The following TXNDC12 variants were observed in gnomAD, a reference collection of about 807,000 sequenced individuals.
The protein encoded by TXNDC12 is thioredoxin domain-containing protein 12.
In TXNDC12, 22 loss-of-function variants were observed where a neutral mutation model predicts 24.2. The ratio of observed to expected loss-of-function variants is 0.91; its 90% confidence interval spans 0.65 to 1.30. The LOEUF is 1.30. TXNDC12 is among the 50% of genes most tolerant of loss of function. The pLI is 0.00. For missense variants in TXNDC12, 184 were observed against 205.8 expected, an observed-to-expected ratio of 0.89 and a Z score of 0.65; for synonymous variants, 58 against 73.4, an observed-to-expected ratio of 0.79 and a Z score of 1.07.
intron 5 of TXNDC12, 23 bp from the exon 6 acceptor site, chr1:52,023,597 G>C (rs1571997005): frequency 6.9e-7 from 1 of 1,458,316 alleles, no homozygotes; most frequent in Non-Finnish European, 9.5e-7. Flanking sequence ...AAATGACACA[G>C]AGTTTTGCAG....
At chr1:52,045,973 G>A (rs1411427826) in intron 1 of TXNDC12, among the ~76,000 whole-genome samples, 1 of 152,148 alleles carries the variant, frequency 6.6e-6, no homozygotes, top group Non-Finnish European at 1.5e-5. Context: ...AGCACTCTGG[G>A]AGGCCGAGGT....
intron 3 of TXNDC12, 62 bp downstream of exon 3, chr1:52,028,516 T>G (rs1685706588): frequency 7.3e-7 from 1 of 1,368,856 alleles, no homozygotes; most frequent in South Asian, 1.2e-5. Context: ...CCAATATTTG[T>G]TAAATGTTAA....
At chr1:52,042,231 A>G (rs956671863) in intron 1 of TXNDC12, among the ~76,000 whole-genome samples, 4 of 152,198 alleles carry the variant, frequency 2.6e-5, no homozygotes, top group Non-Finnish European at 4.4e-5. Flanking sequence ...ACTCTTGAAC[A>G]TGTTTTGTAG....
At chr1:52,032,531 C>A in intron 2 of TXNDC12, 1 of 1,388,410 alleles carries the variant, frequency 7.2e-7, no homozygotes, top group African/African-American at 1.5e-5. Context: ...ATGCTGTAAA[C>A]CCAAGGCCTG....
At chr1:52,028,151 T>C (rs1685701423) in intron 3 of TXNDC12, among the ~76,000 whole-genome samples, 1 of 151,834 alleles carries the variant, frequency 6.6e-6, no homozygotes, top group African/African-American at 2.4e-5. Context: ...ACACTCCTTT[T>C]CCATCTAGGA....
At chr1:52,030,090 C>A (rs1209292585) in intron 2 of TXNDC12, among the ~76,000 whole-genome samples, 1 of 152,074 alleles carries the variant, frequency 6.6e-6, no homozygotes, top group Non-Finnish European at 1.5e-5. Flanking sequence ...AGGTTCTAGG[C>A]CGGGCACAGT....
intron 1 of TXNDC12, among the ~76,000 whole-genome samples, chr1:52,044,959 A>G (rs1020111877): frequency 3.3e-5 from 5 of 151,676 alleles, no homozygotes; most frequent in African/African-American, 1.2e-4. Flanking sequence ...TGGGTGACAG[A>G]GCAAGACTCT....
At chr1:52,047,042 C>T (rs1348683058) in intron 1 of TXNDC12, among the ~76,000 whole-genome samples, 3 of 151,622 alleles carry the variant, frequency 2.0e-5, no homozygotes, top group Admixed American at 6.6e-5. Context: ...GACTCTGTCT[C>T]TAAAAGAAAA....
chr1:52,031,556 G>A (rs1269083679), intron 2 of TXNDC12, among the ~76,000 whole-genome samples: 3 of 150,768 alleles, frequency 2.0e-5, no homozygotes, highest in Non-Finnish European at 4.4e-5. Context: ...GCAGTGGTGC[G>A]ATCTCAGCTC....
rs137978407 is a variant in TXNDC12, at chr1:52,032,330, A to G, written c.159-3700T>C. On this transcript the variant is annotated intron_variant, in intron 2 of 6. Coordinates refer to ENST00000371626, the MANE Select transcript of TXNDC12 (RefSeq NM_015913.4). ...GTACCATCTTCAGTTTCTGTTCACA[A>G]TTGTTTTAAAACAATTCTCATCTAT... The G allele has an allele frequency of 1.3e-5, 13 of 1,023,334 alleles. 1 individual carries two copies. In the East Asian group the frequency reaches 1.2e-3, roughly 94 times the overall value. 63.4% of individuals were successfully genotyped at this position (1,023,334 alleles called of 1,614,324 possible).
intron 2 of TXNDC12, chr1:52,032,999 G>C: frequency 6.4e-7 from 1 of 1,561,290 alleles, no homozygotes; most frequent in Non-Finnish European, 8.6e-7. Flanking sequence ...TGATGGGGTG[G>C]TGGGGCCCGG....
At chr1:52,036,792 T>C (rs1685890852) in intron 2 of TXNDC12, among the ~76,000 whole-genome samples, 1 of 152,222 alleles carries the variant, frequency 6.6e-6, no homozygotes, top group Non-Finnish European at 1.5e-5. Flanking sequence ...TCCATCAAGT[T>C]ATCTTCTGTT....
rs563414797 is a variant in TXNDC12, at chr1:52,028,592, C to G, written c.197G>C (p.Cys66Ser). 6.2e-7 allele frequency: 1 copy of G among 1,612,794 alleles called. No homozygotes were observed. Among genetic ancestry groups the G allele is most frequent in the Non-Finnish European group, 8.5e-7 (1 of 1,179,680 alleles). Residue 66 changes from cysteine (C) to serine (S), a missense_variant, in exon 3 of 7, where the codon TGT (cysteine) becomes TCT (serine). Transcript: ENST00000371626. ...PLMVIIHKSWCGACKALKPKF... is the reference protein window; with the variant it reads ...PLMVIIHKSWSGACKALKPKF... ...TTTGCACTTACCTTTGCAAGCTCCACACCAGGATTTATGAATAATCACCAT... is the reference window on the plus strand; with the variant it reads ...TTTGCACTTACCTTTGCAAGCTCCAGACCAGGATTTATGAATAATCACCAT...
chr1:52,020,375 G>A lies in TXNDC12; in HGVS notation c.*558C>T. On this transcript the variant is annotated 3_prime_UTR_variant, in exon 7 of 7. Coordinates refer to ENST00000371626, the MANE Select transcript of TXNDC12 (RefSeq NM_015913.4). The stretch of plus-strand genomic sequence containing the variant: ...GCTCAAGCATGAGAAGAGGAAAGAG[G>A]CTGTAGAAATTTGGGAAGAAGCCCA... 1 of 332,376 alleles carries A rather than the reference G, an allele frequency of 3.0e-6. No individual in the cohort carries two copies. The highest frequency in any genetic ancestry group is 5.9e-6 in the Non-Finnish European group (1 of 170,100). The allele number at this position is 332,376 out of a possible 1,614,324, so 20.6% of individuals were successfully genotyped here. A position where few individuals can be genotyped will look rare whatever the true frequency, so the allele number is the denominator to read the frequency against.
chr1:52,025,509 C>G (rs897474794), intron 4 of TXNDC12, among the ~76,000 whole-genome samples: 2 of 152,158 alleles, frequency 1.3e-5, no homozygotes, highest in African/African-American at 4.8e-5. Flanking sequence ...TAAGCCACCA[C>G]GCCCGGCCTA....
chr1:52,055,957 C>T (rs1357944818), upstream of TXNDC12: 1 of 152,200 alleles, frequency 6.6e-6, no homozygotes, highest in African/African-American at 2.4e-5. Flanking sequence ...TGAAAATGTC[C>T]GGTCTTTTTC....
chr1:52,048,274 G>A (rs564217385), intron 1 of TXNDC12, among the ~76,000 whole-genome samples: 1 of 152,134 alleles, frequency 6.6e-6, no homozygotes, highest in South Asian at 2.1e-4. Flanking sequence ...AGGCCAGTCT[G>A]GGCAACATAG....
At chr1:52,046,199 GA>G (rs35664785) in intron 1 of TXNDC12, among the ~76,000 whole-genome samples, 5 of 146,514 alleles carry the variant, frequency 3.4e-5, no homozygotes, top group African/African-American at 5.0e-5. Context: ...ATTCTGTCTC[GA>G]AAAAAAAAAA....
At chr1:52,030,234 G>C (rs1452399557) in intron 2 of TXNDC12, 1 of 152,084 alleles carries the variant, frequency 6.6e-6, no homozygotes, top group African/African-American at 2.4e-5. Flanking sequence ...AGCCGGTCGT[G>C]GGGTGCATGC....
Sources: allele counts gnomAD v4.1 joint callset (sites outside exome capture counted in the v4.1 genomes callset), GRCh38; gene constraint gnomAD v4.1.1; transcripts MANE v1.5; gene names NCBI Gene and HGNC (gene_info 2026-07-23, HGNC 2026-07-21).